The following ADGB variants were observed in gnomAD, a reference collection of about 807,000 sequenced individuals.
ADGB encodes calpain-7-like protein.
In ADGB, 172 loss-of-function variants were observed where a neutral mutation model predicts 210.5. The ratio of observed to expected loss-of-function variants is 0.82; its 90% confidence interval spans 0.72 to 0.93. The LOEUF is 0.93. Ranked by LOEUF, ADGB falls within the 40% of genes least tolerant of loss-of-function variation. ADGB has a pLI of 0.00. For missense variants in ADGB, 2,025 were observed against 1,964.8 expected, an observed-to-expected ratio of 1.03 and a Z score of -0.58; for synonymous variants, 658 against 662.7, an observed-to-expected ratio of 0.99 and a Z score of 0.11.
At chr6:146,734,609 C>T (rs1415011284) in intron 22 of ADGB, among the ~76,000 whole-genome samples, 1 of 152,104 alleles carries the variant, frequency 6.6e-6, no homozygotes. Flanking sequence ...TGCCAATAGG[C>T]CAGTTTTATC....
intron 11 of ADGB, among the ~76,000 whole-genome samples, 175 bp downstream of exon 11, chr6:146,691,465 T>TATATATAA (rs1776320961): frequency 6.7e-5 from 1 of 14,848 alleles, no homozygotes; most frequent in African/African-American, 4.8e-4. Context: ...TATAAAAATA[T>TATATATAA]ATATATATAT....
At chr6:146,733,072 G>A in intron 20 of ADGB, 48 bp from the exon 21 acceptor site, 2 of 1,354,744 alleles carry the variant, frequency 1.5e-6, no homozygotes, top group South Asian at 3.5e-5. Flanking sequence ...AGCTTCTCTG[G>A]CCAGATGATG....
At chr6:146,717,397 T>A (rs1776751842) in intron 15 of ADGB, 139 bp from the exon 16 acceptor site, 3 of 523,582 alleles carry the variant, frequency 5.7e-6, no homozygotes, top group Non-Finnish European at 1.0e-5. Flanking sequence ...ATCATTCTTG[T>A]CCCTTTAGGG....
intron 33 of ADGB, among the ~76,000 whole-genome samples, chr6:146,794,324 C>T (rs1013530093): frequency 6.6e-5 from 10 of 152,020 alleles, no homozygotes; most frequent in African/African-American, 1.9e-4. Context: ...AGAGTACTTG[C>T]CAAGGTAGCT....
At chr6:146,622,257 A>G (rs1780904922) in intron 1 of ADGB, among the ~76,000 whole-genome samples, 1 of 152,126 alleles carries the variant, frequency 6.6e-6, no homozygotes, top group South Asian at 2.1e-4. Flanking sequence ...ACAATTCTGT[A>G]GCAAAGACGT....
chr6:146,745,780 C>A, intron 25 of ADGB, 142 bp from the exon 26 acceptor site: 1 of 571,370 alleles, frequency 1.8e-6, no homozygotes, highest in Non-Finnish European at 2.8e-6. Flanking sequence ...CAAACATAAT[C>A]CTAGTGATTC....
chr6:146,736,470 CG>C (rs1199959351), intron 22 of ADGB, 27 bp from the exon 23 acceptor site: 2 of 1,384,870 alleles, frequency 1.4e-6, no homozygotes, highest in African/African-American at 1.5e-5. Flanking sequence ...TAAAGCTTAA[CG>C]TTTTTATTAT....
intron 13 of ADGB, among the ~76,000 whole-genome samples, chr6:146,712,219 C>A (rs1466267968): frequency 6.6e-6 from 1 of 151,452 alleles, no homozygotes; most frequent in Admixed American, 6.6e-5. Flanking sequence ...GAGTCTCACT[C>A]TGTTGCCCAG....
In ADGB at chr6:146,788,409, G is replaced by T. The variant is rs779358253; in HGVS notation, c.4336G>T (p.Val1446Leu). Residue 1446 changes from valine (V) to leucine (L), a missense_variant, in exon 33 of 36, where the codon GTA becomes TTA. Physicochemically the swap from Val to Leu is conservative, Grantham distance 32 (BLOSUM62 1). Coordinates refer to ENST00000397944, the MANE Select transcript of ADGB (RefSeq NM_024694.4). The part of the protein sequence containing the change: ...KEEVETAARG[V>L]KEPNSKNSAG... ...TGTAGTAGAAACAGCTGCACGTGGC[G>T]TAAAAGAACCAAACTCAAAGAATTC... The T allele has an allele frequency of 1.3e-6, 2 of 1,551,400 alleles. No individual in the cohort carries two copies. The highest frequency in any genetic ancestry group is 2.7e-5 in the African/African-American group (2 of 72,988).
At position 146,721,491 on chromosome 6, in the gene ADGB, G is replaced by A; in HGVS notation, c.2081G>A (p.Trp694Ter). 1.3e-6 allele frequency: 2 copies of A among 1,544,148 alleles called. No homozygotes were observed. Among genetic ancestry groups the A allele is most frequent in the Non-Finnish European group, 1.8e-6 (2 of 1,140,420 alleles). The change falls in exon 17 of 36, where the codon TGG (tryptophan) becomes TAG (stop). Residue 694 changes from tryptophan (W) to a stop codon, truncating the protein, a stop_gained. Transcript: ENST00000397944. LOFTEE classifies it high-confidence loss of function. ...LLVCFSALVRWGEYGALTKDS... is the reference protein window; with the variant it reads ...LLVCFSALVR The stretch of plus-strand genomic sequence containing the variant: ...GTTTGCTTTTCTGCATTGGTACGCT[G>A]GGGGGAGTATGGAGGTAAGAGGGCT...
chr6:146,635,374 GT>G lies in ADGB; in HGVS notation c.77del (p.Phe26SerfsTer31), dbSNP rs1226206694. Reference sequence around the variant, plus strand: ...CCCACCCACTCTCTGTCTCTGTCTAGTTTCTATCCTTTTGGCAGTAATGTAC... The same window carrying G: ...CCCACCCACTCTCTGTCTCTGTCTAGTTCTATCCTTTTGGCAGTAATGTAC... ...NSAHGSDKSKDFYPFGSNVQS... is the reference protein window; with the variant it reads ...NSAHGSDKSKXFYPFGSNVQS... On this transcript the variant is annotated frameshift_variant and splice_region_variant, in exon 2 of 36. Coordinates refer to ENST00000397944, the MANE Select transcript of ADGB (RefSeq NM_024694.4). LOFTEE classifies it high-confidence loss of function. 6.6e-7 allele frequency: 1 copy of G among 1,504,376 alleles called. No individual in the cohort carries two copies. The highest frequency in any genetic ancestry group is 8.9e-7 in the Non-Finnish European group (1 of 1,124,904). 93.2% of individuals were successfully genotyped at this position (1,504,376 alleles called of 1,614,324 possible). A position where few individuals can be genotyped will look rare whatever the true frequency, so the allele number is the denominator to read the frequency against.
chr6:146,672,886 A>G (rs1055010305), intron 8 of ADGB, among the ~76,000 whole-genome samples: 1 of 151,758 alleles, frequency 6.6e-6, no homozygotes, highest in African/African-American at 2.4e-5. Flanking sequence ...GTGCACCACC[A>G]CGCCCAGCTA....
chr6:146,610,609 C>T (rs1384953040), intron 1 of ADGB, among the ~76,000 whole-genome samples: 1 of 152,150 alleles, frequency 6.6e-6, no homozygotes, highest in African/African-American at 2.4e-5. Flanking sequence ...TTCAGGGGGA[C>T]ATGGCTAAGC....
intron 2 of ADGB, among the ~76,000 whole-genome samples, chr6:146,636,381 G>A (rs921410442): frequency 2.0e-5 from 3 of 151,986 alleles, no homozygotes; most frequent in African/African-American, 7.2e-5. Flanking sequence ...TGGTCAATTT[G>A]TTAACAAAAG....
At chr6:146,716,192 C>A (rs1462461850) in intron 14 of ADGB, among the ~76,000 whole-genome samples, 1 of 152,090 alleles carries the variant, frequency 6.6e-6, no homozygotes, top group Non-Finnish European at 1.5e-5. Context: ...GTTTTCATTT[C>A]CCTTTCTGTT....
At chr6:146,763,503 A>G (rs1777528682) in intron 27 of ADGB, among the ~76,000 whole-genome samples, 1 of 152,172 alleles carries the variant, frequency 6.6e-6, no homozygotes, top group Non-Finnish European at 1.5e-5. Flanking sequence ...TACTTATATG[A>G]TCTGTTAATT....
chr6:146,724,042 C>A (rs1776859533), intron 17 of ADGB, 144 bp from the exon 18 acceptor site: 1 of 675,150 alleles, frequency 1.5e-6, no homozygotes, highest in Non-Finnish European at 2.3e-6. Context: ...GGAGTAATTT[C>A]TAATGTTTTA....
chr6:146,678,619 A>AG (rs1210367622), intron 9 of ADGB, among the ~76,000 whole-genome samples: 1 of 152,170 alleles, frequency 6.6e-6, no homozygotes, highest in African/African-American at 2.4e-5. Flanking sequence ...TGTTTTATTA[A>AG]TTTTTTCAAA....
chr6:146,760,788 T>C (rs762475925), intron 27 of ADGB, among the ~76,000 whole-genome samples: 7 of 151,942 alleles, frequency 4.6e-5, no homozygotes, highest in Non-Finnish European at 8.8e-5. Flanking sequence ...TTTTAATCCA[T>C]CATTCTAGCT....
Sources: gnomAD v4.1 joint callset for allele counts (sites outside exome capture counted in the v4.1 genomes callset) on GRCh38, gnomAD v4.1.1 for gene constraint, MANE v1.5 for transcripts, NCBI Gene and HGNC (gene_info 2026-07-23, HGNC 2026-07-21) for gene names.